The following ZDHHC3 variants were observed in gnomAD, a reference collection of about 807,000 sequenced individuals.
The protein encoded by ZDHHC3 is zDHHC palmitoyltransferase 3, also known as palmitoyltransferase ZDHHC3.
In ZDHHC3, 9 loss-of-function variants were observed where a neutral mutation model predicts 30.6. The ratio of observed to expected loss-of-function variants is 0.29; its 90% CI spans 0.18 to 0.51. The LOEUF (loss-of-function observed/expected upper bound fraction) is 0.51. Among genes scored for constraint, ZDHHC3 ranks in the 20% least tolerant of loss-of-function variants. The pLI is 0.97. For synonymous variants in ZDHHC3, 136 were observed against 140.2 expected, an observed-to-expected ratio of 0.97 and a Z score of 0.21; for missense variants, 246 against 384.2, an observed-to-expected ratio of 0.64 and a Z score of 3.01.
chr3:44,922,263 G>A lies in ZDHHC3; in HGVS notation c.*4426C>T. The A allele has an allele frequency of 1.0e-6, 1 of 985,452 alleles. No homozygotes were observed. The highest frequency in any genetic ancestry group is 1.7e-5 in the African/African-American group (1 of 57,364). 61.0% of individuals were successfully genotyped at this position (985,452 alleles called of 1,614,324 possible). ...AAGACGTGTTCAGGTCATGTATCCA[G>A]GCTGCTACAATGCCCCTGGCTCTAG... On this transcript the variant is annotated 3_prime_UTR_variant, in exon 7 of 7. Coordinates refer to ENST00000424952, the MANE Select transcript of ZDHHC3 (RefSeq NM_001135179.2).
At chr3:44,951,313 C>T (rs982716830) in intron 2 of ZDHHC3, among the ~76,000 whole-genome samples, 1 of 152,168 alleles carries the variant, frequency 6.6e-6, no homozygotes, top group African/African-American at 2.4e-5. Context: ...ATTCTCTGCA[C>T]AGAGCTCTGA....
At chr3:44,960,478 A>G (rs1704380649) in intron 1 of ZDHHC3, among the ~76,000 whole-genome samples, 1 of 152,272 alleles carries the variant, frequency 6.6e-6, no homozygotes, top group South Asian at 2.1e-4. Context: ...GCTGCAATTC[A>G]AGTCTCTGGA....
chr3:44,929,306 C>T lies in ZDHHC3; in HGVS notation c.741G>A (p.Thr247=), dbSNP rs1006749515. ...TQVHSICTDE[T]GIEQLKKEER... Reference sequence around the variant, plus strand: ...ATGGTGGGCAGAGCCACCTGCTTACCGTCTCATCTGTGCAGATGGAGTGCA... The same window carrying T: ...ATGGTGGGCAGAGCCACCTGCTTACTGTCTCATCTGTGCAGATGGAGTGCA... Residue 247 remains threonine (T), a splice_region_variant and synonymous_variant, in exon 6 of 7, where the codon ACG becomes ACA. Transcript: ENST00000424952. 3.7e-6 allele frequency: 6 copies of T among 1,613,728 alleles called. No individual in the cohort carries two copies. Among genetic ancestry groups the T allele is most frequent in the Non-Finnish European group, 5.1e-6 (6 of 1,179,794 alleles).
intron 1 of ZDHHC3, among the ~76,000 whole-genome samples, chr3:44,971,438 G>C (rs556175115): frequency 6.6e-6 from 1 of 152,332 alleles, no homozygotes; most frequent in South Asian, 2.1e-4. Context: ...ATTTGTCTCT[G>C]GAAATCTGCT....
At position 44,921,373 on chromosome 3, in the gene ZDHHC3, A is replaced by G. The variant is rs536291156; in HGVS notation, c.*5316T>C. On this transcript the variant is annotated 3_prime_UTR_variant, in exon 7 of 7. Coordinates refer to ENST00000424952, the MANE Select transcript of ZDHHC3 (RefSeq NM_001135179.2). The stretch of plus-strand genomic sequence containing the variant: ...AATGTGTCTCTTCATAGCGGGCCAG[A>G]TAACACTGTCTCTCCTCATCAGAGA... 10 of 985,440 alleles carry G rather than the reference A, an allele frequency of 1.0e-5. No individual in the cohort carries two copies. In the South Asian group the frequency reaches 2.3e-4, roughly 23 times the overall value. The allele number at this position is 985,440 out of a possible 1,614,324, so 61.0% of individuals were successfully genotyped here. A position where few individuals can be genotyped will look rare whatever the true frequency, so the allele number is the denominator to read the frequency against.
intron 3 of ZDHHC3, among the ~76,000 whole-genome samples, chr3:44,944,825 T>C (rs771196255): frequency 5.9e-5 from 9 of 152,234 alleles, no homozygotes; most frequent in Middle Eastern, 3.2e-3. Flanking sequence ...CATGGTACCC[T>C]TGTAATAAAG....
In ZDHHC3 at chr3:44,917,928, C is replaced by T. The variant is rs949467889; in HGVS notation, c.*8761G>A. On this transcript the variant is annotated 3_prime_UTR_variant, in exon 7 of 7. Coordinates refer to ENST00000424952, the MANE Select transcript of ZDHHC3 (RefSeq NM_001135179.2). Reference sequence around the variant, plus strand: ...CTGTCACCTCCACAGAGTCCTCGTCCTTTGTCTCCTCTGATGGATCCTCCA... The same window carrying T: ...CTGTCACCTCCACAGAGTCCTCGTCTTTTGTCTCCTCTGATGGATCCTCCA... 97 of 1,304,906 alleles carry T rather than the reference C, an allele frequency of 7.4e-5. No homozygotes were observed. The highest frequency in any genetic ancestry group is 9.1e-5 in the Non-Finnish European group (90 of 988,980). 80.8% of individuals were successfully genotyped at this position (1,304,906 alleles called of 1,614,324 possible). A position where few individuals can be genotyped will look rare whatever the true frequency, so the allele number is the denominator to read the frequency against.
chr3:44,967,092 TG>T (rs922775311), intron 1 of ZDHHC3, among the ~76,000 whole-genome samples: 4 of 149,700 alleles, frequency 2.7e-5, no homozygotes, highest in African/African-American at 9.9e-5. Context: ...AAAAAACAAA[TG>T]GAAAAAAAAA....
intron 1 of ZDHHC3, among the ~76,000 whole-genome samples, chr3:44,973,511 T>G (rs1485004328): frequency 6.6e-6 from 1 of 152,118 alleles, no homozygotes; most frequent in African/African-American, 2.4e-5. Flanking sequence ...CAGGCTGGAG[T>G]GCAATGGCGT....
rs1700376633 is a variant in ZDHHC3 at position 44,918,642 on chromosome 3, C to T, written c.*8047G>A. ...AGGAGTGCAGGACACAAACAGCATG[C>T]GAGGTGAAGAAGCGGGTGCTCGTAC... On this transcript the variant is annotated 3_prime_UTR_variant, in exon 7 of 7. Coordinates refer to ENST00000424952, the MANE Select transcript of ZDHHC3 (RefSeq NM_001135179.2). 3 of 985,282 alleles carry T rather than the reference C, an allele frequency of 3.0e-6. No homozygotes were observed. The highest frequency in any genetic ancestry group is 6.1e-5 in the Admixed American group (1 of 16,272). 61.0% of individuals were successfully genotyped at this position (985,282 alleles called of 1,614,324 possible).
At position 44,920,467 on chromosome 3, in the gene ZDHHC3, T is replaced by A. The variant is rs1164783562; in HGVS notation, c.*6222A>T. The A allele has an allele frequency of 2.5e-6, 3 of 1,216,752 alleles. No individual in the cohort carries two copies. The Admixed American group carries it at 8.5e-5, about 35-fold the overall frequency. 75.4% of individuals were successfully genotyped at this position (1,216,752 alleles called of 1,614,324 possible). ...CCACACTGACTTGGACTCAAAGCCATGACCATAGGTTTTTATGGCCTCCTT... is the reference window on the plus strand; with the variant it reads ...CCACACTGACTTGGACTCAAAGCCAAGACCATAGGTTTTTATGGCCTCCTT... On this transcript the variant is annotated 3_prime_UTR_variant, in exon 7 of 7. Coordinates refer to ENST00000424952, the MANE Select transcript of ZDHHC3 (RefSeq NM_001135179.2).
chr3:44,972,283 C>T (rs1254916186), intron 1 of ZDHHC3, among the ~76,000 whole-genome samples: 1 of 152,112 alleles, frequency 6.6e-6, no homozygotes, highest in Non-Finnish European at 1.5e-5. Flanking sequence ...ACCAACATGG[C>T]CAAACCCAGT....
chr3:44,956,581 GTC>G (rs1703977926), intron 2 of ZDHHC3, among the ~76,000 whole-genome samples: 2 of 152,302 alleles, frequency 1.3e-5, no homozygotes, highest in South Asian at 4.1e-4. Flanking sequence ...AATTATAGTA[GTC>G]TCTGGGGGTG....
chr3:44,925,973 C>T lies in ZDHHC3; in HGVS notation c.*716G>A. On this transcript the variant is annotated 3_prime_UTR_variant, in exon 7 of 7. Transcript: ENST00000424952. ...CATTTTGAACTGGAAAAACGTCTTT[C>T]CTACACACTCTTCCAAATAATCACA... is the stretch of plus-strand genomic sequence containing the variant. The T allele has an allele frequency of 1.0e-6, 1 of 985,760 alleles. No individual in the cohort carries two copies. The highest frequency in any genetic ancestry group is 1.7e-5 in the African/African-American group (1 of 57,296). 61.1% of individuals were successfully genotyped at this position (985,760 alleles called of 1,614,324 possible).
chr3:44,941,867 C>A (rs1257339462), intron 3 of ZDHHC3, among the ~76,000 whole-genome samples: 1 of 152,184 alleles, frequency 6.6e-6, no homozygotes, highest in Non-Finnish European at 1.5e-5. Context: ...GGCACACAGG[C>A]CATGGGTTGG....
At chr3:44,940,690 C>G (rs1178442382) in intron 3 of ZDHHC3, among the ~76,000 whole-genome samples, 2 of 152,170 alleles carry the variant, frequency 1.3e-5, no homozygotes, top group Non-Finnish European at 2.9e-5. Context: ...TCCCTTCTCC[C>G]CTTCCTCCAG....
Position 44,926,413 on chromosome 3 carries a change from A to G in ZDHHC3, c.*276T>C. On this transcript the variant is annotated 3_prime_UTR_variant, in exon 7 of 7. Transcript: ENST00000424952. ...GCGCCCTCTACATTAGTCATGCCAG[A>G]CAGACAGCAGAGAGAAACCAGAGGC... 8.5e-7 allele frequency: 1 copy of G among 1,170,870 alleles called. No individual in the cohort carries two copies. Among genetic ancestry groups the G allele is most frequent in the Non-Finnish European group, 1.1e-6 (1 of 948,782 alleles). 72.5% of individuals were successfully genotyped at this position (1,170,870 alleles called of 1,614,324 possible). A position where few individuals can be genotyped will look rare whatever the true frequency, so the allele number is the denominator to read the frequency against.
Position 44,920,673 on chromosome 3 carries a change from G to A in ZDHHC3, c.*6016C>T, listed in dbSNP as rs1359529642. On this transcript the variant is annotated 3_prime_UTR_variant, in exon 7 of 7. Coordinates refer to ENST00000424952, the MANE Select transcript of ZDHHC3 (RefSeq NM_001135179.2). The stretch of plus-strand genomic sequence containing the variant: ...CTACTGCAAATCACCACTGTGCCCA[G>A]GCTGAGCTCAGTCAGAGAGAAGGGG... 3 of 985,390 alleles carry A rather than the reference G, an allele frequency of 3.0e-6. No individual in the cohort carries two copies. The highest frequency in any genetic ancestry group is 3.6e-6 in the Non-Finnish European group (3 of 829,932). 61.0% of individuals were successfully genotyped at this position (985,390 alleles called of 1,614,324 possible). A position where few individuals can be genotyped will look rare whatever the true frequency, so the allele number is the denominator to read the frequency against.
rs1323671088 is a variant in ZDHHC3 at position 44,922,491 on chromosome 3, G to A, written c.*4198C>T. On this transcript the variant is annotated 3_prime_UTR_variant, in exon 7 of 7. Transcript: ENST00000424952. Reference sequence around the variant, plus strand: ...TTGATGTCTTGGCAGTTGTTTGTTGGGGAGGCCGCAGCTTATGAGGGAAGG... The same window carrying A: ...TTGATGTCTTGGCAGTTGTTTGTTGAGGAGGCCGCAGCTTATGAGGGAAGG... The A allele has an allele frequency of 1.0e-6, 1 of 985,252 alleles. No homozygotes were observed. The highest frequency in any genetic ancestry group is 1.2e-6 in the Non-Finnish European group (1 of 829,908). 61.0% of individuals were successfully genotyped at this position (985,252 alleles called of 1,614,324 possible). A position where few individuals can be genotyped will look rare whatever the true frequency, so the allele number is the denominator to read the frequency against.
Sources: gnomAD v4.1 joint callset for allele counts (sites outside exome capture counted in the v4.1 genomes callset) on GRCh38, gnomAD v4.1.1 for gene constraint, MANE v1.5 for transcripts, NCBI Gene and HGNC (gene_info 2026-07-23, HGNC 2026-07-21) for gene names.